LCLAT1: variants seen among roughly 807,000 people sequenced by gnomAD.
LCLAT1 encodes 1-AGP acyltransferase 8.
LCLAT1 carries 11 observed loss-of-function variants against 30.7 expected under a neutral mutation model. The ratio of observed to expected loss-of-function variants is 0.36; its 90% CI spans 0.23 to 0.59. The LOEUF (loss-of-function observed/expected upper bound fraction) is 0.59. Ranked by LOEUF, LCLAT1 falls within the 20% of genes least tolerant of loss-of-function variation. LCLAT1 has a pLI of 0.77. For synonymous variants in LCLAT1, 155 were observed against 151.3 expected (o/e 1.02, Z -0.18); for missense variants, 402 against 458.6 (o/e 0.88, Z 1.13).
At chr2:30,537,085 G>T (rs922982661) in intron 3 of LCLAT1, among the ~76,000 whole-genome samples, 9 of 152,160 alleles carry the variant, frequency 5.9e-5, no homozygotes, top group Non-Finnish European at 1.2e-4. Flanking sequence ...TATCAGATAA[G>T]ATAGACTTCA....
At chr2:30,543,726 A>C (rs1420941619) in intron 3 of LCLAT1, among the ~76,000 whole-genome samples, 1 of 152,128 alleles carries the variant, frequency 6.6e-6, no homozygotes, top group Non-Finnish European at 1.5e-5. Context: ...TTTAATGCTT[A>C]AAGAGTCTGT....
intron 3 of LCLAT1, among the ~76,000 whole-genome samples, chr2:30,553,244 C>T (rs994709458): frequency 1.3e-5 from 2 of 151,954 alleles, no homozygotes; most frequent in African/African-American, 4.8e-5. Context: ...ATTTTTTTCT[C>T]CCCCTAGGCA....
intron 1 of LCLAT1, among the ~76,000 whole-genome samples, chr2:30,503,130 C>T (rs1260314798): frequency 6.6e-6 from 1 of 152,208 alleles, no homozygotes; most frequent in East Asian, 1.9e-4. Context: ...TGGTAACATC[C>T]AGGTCATTGC....
intron 1 of LCLAT1, among the ~76,000 whole-genome samples, chr2:30,495,527 A>G (rs568401896): frequency 1.3e-5 from 2 of 152,324 alleles, no homozygotes; most frequent in African/African-American, 4.8e-5. Flanking sequence ...AATACAGTAT[A>G]AGATATGATT....
chr2:30,599,418 T>C (rs1010315592), intron 5 of LCLAT1, among the ~76,000 whole-genome samples: 4 of 152,260 alleles, frequency 2.6e-5, no homozygotes, highest in Non-Finnish European at 5.9e-5. Context: ...GCAAGTGCCA[T>C]GTGGCGCTGA....
chr2:30,551,178 T>C (rs575003414), intron 3 of LCLAT1, among the ~76,000 whole-genome samples: 1 of 152,288 alleles, frequency 6.6e-6, no homozygotes, highest in South Asian at 2.1e-4. Context: ...AACAACTTTT[T>C]TTTTTGTAGA....
intron 3 of LCLAT1, among the ~76,000 whole-genome samples, chr2:30,543,669 A>T (rs1054488315): frequency 2.0e-5 from 3 of 152,122 alleles, no homozygotes; most frequent in Non-Finnish European, 4.4e-5. Flanking sequence ...GTGTTACCTA[A>T]GTTGTCAAAC....
intron 4 of LCLAT1, among the ~76,000 whole-genome samples, chr2:30,563,826 C>T (rs1403974967): frequency 5.3e-5 from 8 of 152,056 alleles, no homozygotes; most frequent in Non-Finnish European, 1.5e-5. Flanking sequence ...GTGACTGAGC[C>T]ATAATAGGTT....
rs1669357566 is a variant in LCLAT1, at chr2:30,642,338, A to G, written c.*1719A>G. The G allele has an allele frequency of 6.6e-6, 1 of 151,256 alleles. No homozygotes were observed. Among genetic ancestry groups the G allele is most frequent in the Admixed American group, 6.6e-5 (1 of 15,198 alleles). The allele number at this position is 151,256 out of a possible 1,614,324, so 9.4% of individuals were successfully genotyped here. On this transcript the variant is annotated 3_prime_UTR_variant, in exon 6 of 6. Coordinates refer to ENST00000379509, the MANE Select transcript of LCLAT1 (RefSeq NM_001002257.3). ...GAGCAACTAACTAGTTATTATGCACATCTGCTCCAGACCCAGCTCTTTAAC... is the reference window on the plus strand; with the variant it reads ...GAGCAACTAACTAGTTATTATGCACGTCTGCTCCAGACCCAGCTCTTTAAC...
At position 30,606,139 on chromosome 2, in the gene LCLAT1, A is replaced by C. The variant is rs548219632; in HGVS notation, c.629-33978A>C. 4.0e-6 allele frequency: 3 copies of C among 758,760 alleles called. No homozygotes were observed. In the East Asian group the frequency reaches 2.7e-4, roughly 69 times the overall value. 47.0% of individuals were successfully genotyped at this position (758,760 alleles called of 1,614,324 possible). The stretch of plus-strand genomic sequence containing the variant: ...TCCATGCTCATGGATTGGAAGAATC[A>C]ATATCGTGAAATTGGCCATACTGCC... On this transcript the variant is annotated intron_variant, in intron 5 of 5. Transcript: ENST00000379509.
At chr2:30,510,131 A>G (rs79821013) in intron 1 of LCLAT1, among the ~76,000 whole-genome samples, 4,858 of 152,246 alleles carry the variant, frequency 0.032, 117 homozygotes, top group East Asian at 0.064. Flanking sequence ...TATCTAATGT[A>G]TAGTTGTCAC....
At chr2:30,557,693 G>A (rs1448806333) in intron 3 of LCLAT1, among the ~76,000 whole-genome samples, 1 of 152,128 alleles carries the variant, frequency 6.6e-6, no homozygotes, top group African/African-American at 2.4e-5. Context: ...GGGATTACAG[G>A]CGTGAGCCAC....
chr2:30,499,558 G>A (rs896627634), intron 1 of LCLAT1, among the ~76,000 whole-genome samples: 2 of 152,190 alleles, frequency 1.3e-5, no homozygotes, highest in African/African-American at 4.8e-5. Flanking sequence ...CCAGAAGTTT[G>A]CAAGCCAGTG....
intron 5 of LCLAT1, among the ~76,000 whole-genome samples, chr2:30,605,215 C>T (rs1172931104): frequency 1.3e-5 from 2 of 152,200 alleles, no homozygotes; most frequent in Non-Finnish European, 2.9e-5. Context: ...CTAACCTAAA[C>T]GTGTTTGCAC....
intron 5 of LCLAT1, among the ~76,000 whole-genome samples, chr2:30,613,474 T>A (rs1056060573): frequency 3.3e-5 from 5 of 151,982 alleles, no homozygotes; most frequent in African/African-American, 7.3e-5. Context: ...GGTGGAAGTG[T>A]AGGGGTGGGT....
intron 1 of LCLAT1, among the ~76,000 whole-genome samples, chr2:30,497,465 A>G (rs1020732913): frequency 2.6e-5 from 4 of 152,182 alleles, no homozygotes; most frequent in African/African-American, 7.2e-5. Flanking sequence ...ATTAATAACT[A>G]TTTTTGTGCC....
rs188717534 is a variant in LCLAT1, at chr2:30,501,803, A to G, written c.-4-23784A>G. On this transcript the variant is annotated intron_variant, in intron 1 of 5. Transcript: ENST00000379509. ...ATTTTATGCCTTCCAATGAATCTCAATAATTCTATATTAGAAAAAAAGATT... is the reference window on the plus strand; with the variant it reads ...ATTTTATGCCTTCCAATGAATCTCAGTAATTCTATATTAGAAAAAAAGATT... Among the ~76,000 whole-genome samples the G allele has an allele frequency of 1.2e-3, 176 of 152,370 alleles. 1 individual carries two copies. Among genetic ancestry groups the G allele is most frequent in the African/African-American group, 4.0e-3 (168 of 41,590 alleles).
chr2:30,527,745 T>C (rs1685785051), intron 2 of LCLAT1, among the ~76,000 whole-genome samples: 1 of 152,214 alleles, frequency 6.6e-6, no homozygotes, highest in South Asian at 2.1e-4. Context: ...CTAAATGAGG[T>C]AATAAATATA....
intron 1 of LCLAT1, among the ~76,000 whole-genome samples, chr2:30,454,545 G>A (rs1681727350): frequency 6.6e-6 from 1 of 152,080 alleles, no homozygotes; most frequent in East Asian, 1.9e-4. Flanking sequence ...TGAATGCATG[G>A]ACTCAAGTGA....
Sources: allele counts gnomAD v4.1 joint callset (sites outside exome capture counted in the v4.1 genomes callset), GRCh38; gene constraint gnomAD v4.1.1; transcripts MANE v1.5; gene names NCBI Gene and HGNC (gene_info 2026-07-23, HGNC 2026-07-21).